Variants in GMDS observed in about 807,000 individuals in gnomAD.
GMDS encodes the protein GDP-mannose 4,6 dehydratase.
A neutral mutation model predicts 49.9 loss-of-function variants in GMDS; 20 were observed. The observed-to-expected ratio is 0.40, with a 90% CI of 0.28 to 0.58. The LOEUF (loss-of-function observed/expected upper bound fraction) is 0.58, where lower values mean the gene tolerates loss of function less well. Ranked by LOEUF, GMDS falls within the 20% of genes least tolerant of loss-of-function variation. The pLI is 0.42. For synonymous variants in GMDS, 177 were observed against 178.6 expected (o/e 0.99, Z 0.07); for missense variants, 362 against 481.4 (o/e 0.75, Z 2.32).
At chr6:1,960,205 G>T (rs117500623) in intron 5 of GMDS, among the ~76,000 whole-genome samples, 2 of 152,126 alleles carry the variant, frequency 1.3e-5, no homozygotes, top group Non-Finnish European at 2.9e-5. Context: ...TTTGACAATC[G>T]AATTGATTGA....
intron 7 of GMDS, among the ~76,000 whole-genome samples, chr6:1,862,359 G>GA (rs1758229286): frequency 6.6e-6 from 1 of 150,898 alleles, no homozygotes; most frequent in South Asian, 2.1e-4. Flanking sequence ...GAGGTATCAG[G>GA]AAAAGACAAA....
At chr6:1,921,214 T>C (rs1761699372) in intron 7 of GMDS, among the ~76,000 whole-genome samples, 1 of 152,236 alleles carries the variant, frequency 6.6e-6, no homozygotes, top group Admixed American at 6.5e-5. Context: ...GGCCAATAAC[T>C]GCTTTTCTGA....
chr6:1,946,990 T>C (rs973067541), intron 6 of GMDS, among the ~76,000 whole-genome samples: 2 of 152,238 alleles, frequency 1.3e-5, no homozygotes, highest in Non-Finnish European at 2.9e-5. Context: ...TCTAGCGAGT[T>C]CTGCACATTT....
chr6:1,916,571 AAG>A (rs1205814786), intron 7 of GMDS, among the ~76,000 whole-genome samples: 1 of 152,124 alleles, frequency 6.6e-6, no homozygotes, highest in East Asian at 1.9e-4. Flanking sequence ...GAGGGAGAGA[AAG>A]AGAGAGAGCC....
chr6:1,882,797 A>T (rs1759423490), intron 7 of GMDS, among the ~76,000 whole-genome samples: 1 of 152,244 alleles, frequency 6.6e-6, no homozygotes, highest in Non-Finnish European at 1.5e-5. Context: ...AGGATAAGGC[A>T]ACATGACATA....
At chr6:2,010,646 A>G (rs1767502943) in intron 4 of GMDS, among the ~76,000 whole-genome samples, 2 of 152,228 alleles carry the variant, frequency 1.3e-5, no homozygotes, top group Non-Finnish European at 2.9e-5. Context: ...AATGTAAATC[A>G]GACTAAACAA....
At chr6:1,777,515 C>T (rs1332240991) in intron 7 of GMDS, among the ~76,000 whole-genome samples, 1 of 152,212 alleles carries the variant, frequency 6.6e-6, no homozygotes, top group Non-Finnish European at 1.5e-5. Flanking sequence ...ACACCAGCTC[C>T]ATCTGGAGAC....
At chr6:1,832,915 T>G (rs1177206145) in intron 7 of GMDS, among the ~76,000 whole-genome samples, 2 of 152,172 alleles carry the variant, frequency 1.3e-5, no homozygotes, top group South Asian at 2.1e-4. Flanking sequence ...TGCGTCTCTG[T>G]GGCCACTTTC....
intron 9 of GMDS, among the ~76,000 whole-genome samples, chr6:1,701,596 T>C (rs1412205596): frequency 1.3e-5 from 2 of 152,164 alleles, no homozygotes; most frequent in East Asian, 3.8e-4. Context: ...AAGATGCGTA[T>C]TCAAATTTCT....
intron 4 of GMDS, among the ~76,000 whole-genome samples, chr6:2,073,899 A>C (rs973159981): frequency 2.0e-5 from 3 of 152,098 alleles, no homozygotes; most frequent in African/African-American, 7.2e-5. Context: ...CATTTTCTTT[A>C]TACATTTGTC....
At chr6:2,071,440 C>A (rs1019409917) in intron 4 of GMDS, among the ~76,000 whole-genome samples, 1 of 151,952 alleles carries the variant, frequency 6.6e-6, no homozygotes, top group Non-Finnish European at 1.5e-5. Flanking sequence ...GCCCATGTGA[C>A]GTACTAGATA....
chr6:1,841,428 G>A (rs1411835147), intron 7 of GMDS, among the ~76,000 whole-genome samples: 3 of 152,144 alleles, frequency 2.0e-5, no homozygotes, highest in East Asian at 3.8e-4. Context: ...AACTTCTATC[G>A]AACCTAACAA....
At chr6:2,145,841 C>A (rs1477940296) in intron 1 of GMDS, among the ~76,000 whole-genome samples, 1 of 152,192 alleles carries the variant, frequency 6.6e-6, no homozygotes, top group Non-Finnish European at 1.5e-5. Flanking sequence ...AGCCTGGCTA[C>A]ATAGCGACAT....
At chr6:2,028,138 C>G (rs1383183158) in intron 4 of GMDS, among the ~76,000 whole-genome samples, 2 of 152,164 alleles carry the variant, frequency 1.3e-5, no homozygotes, top group Admixed American at 6.5e-5. Flanking sequence ...CTTCTTTGAA[C>G]AAACATCTTT....
chr6:1,736,490 T>G (rs1767005276), intron 8 of GMDS, among the ~76,000 whole-genome samples: 1 of 152,228 alleles, frequency 6.6e-6, no homozygotes, highest in Non-Finnish European at 1.5e-5. Context: ...AAAGTTCTCA[T>G]GGGACTCTAC....
At chr6:1,692,540 A>G (rs1365437718) in intron 9 of GMDS, among the ~76,000 whole-genome samples, 1 of 152,216 alleles carries the variant, frequency 6.6e-6, no homozygotes, top group Non-Finnish European at 1.5e-5. Flanking sequence ...ACACACATAC[A>G]TTAGGGCATT....
At chr6:2,179,635 C>G (rs1001560526) in intron 1 of GMDS, among the ~76,000 whole-genome samples, 1 of 152,096 alleles carries the variant, frequency 6.6e-6, no homozygotes, top group African/African-American at 2.4e-5. Flanking sequence ...GACTTCTCAG[C>G]CTCCAGAATT....
chr6:1,706,824 C>T lies in GMDS; in HGVS notation c.987+19592G>A, dbSNP rs545730639. ...TACTACTCCATAGTCTGAATGGACACGGACTTTAATGGATTTGCTGCATGG... is the reference window on the plus strand; with the variant it reads ...TACTACTCCATAGTCTGAATGGACATGGACTTTAATGGATTTGCTGCATGG... On this transcript the variant is annotated intron_variant, in intron 9 of 10. Transcript: ENST00000380815. Among the ~76,000 whole-genome samples the T allele has an allele frequency of 7.2e-5, 11 of 152,306 alleles. No homozygotes were observed. In the South Asian group the frequency reaches 1.0e-3, roughly 14 times the overall value.
At chr6:2,078,330 C>T (rs1367572266) in intron 4 of GMDS, among the ~76,000 whole-genome samples, 1 of 151,886 alleles carries the variant, frequency 6.6e-6, no homozygotes, top group Non-Finnish European at 1.5e-5. Context: ...TTGTTTTGTT[C>T]TTGCTTTTCT....
Sources: gnomAD v4.1 joint callset for allele counts (sites outside exome capture counted in the v4.1 genomes callset) on GRCh38, gnomAD v4.1.1 for gene constraint, MANE v1.5 for transcripts, NCBI Gene and HGNC (gene_info 2026-07-23, HGNC 2026-07-21) for gene names.